The following STRIP2 variants were observed in gnomAD, a reference collection of about 807,000 sequenced individuals.
STRIP2 encodes striatin-interacting protein 2.
STRIP2 carries 84 observed loss-of-function variants against 107.1 expected under a neutral mutation model. That is an observed-to-expected ratio of 0.78 (90% CI 0.66 to 0.94). The LOEUF (loss-of-function observed/expected upper bound fraction) is 0.94, where lower values mean the gene tolerates loss of function less well. Ranked by LOEUF, STRIP2 falls within the 40% of genes least tolerant of loss-of-function variation. STRIP2 has a pLI of 0.00. For synonymous variants in STRIP2, 394 were observed against 400.4 expected, an observed-to-expected ratio of 0.98 and a Z score of 0.19; for missense variants, 888 against 1,034.2, an observed-to-expected ratio of 0.86 and a Z score of 1.94.
chr7:129,460,229 A>G, intron 12 of STRIP2, 72 bp from the exon 13 acceptor site: 1 of 1,379,452 alleles, frequency 7.2e-7, no homozygotes, highest in Non-Finnish European at 1.0e-6. Flanking sequence ...CTTTTGGGGA[A>G]TTTAAGTAAG....
chr7:129,485,984 T>C lies in STRIP2; in HGVS notation c.*155T>C, dbSNP rs676947. 724,661 of 799,962 alleles carry C rather than the reference T, an allele frequency of 0.91. 328,991 individuals are homozygous for C. Among genetic ancestry groups the C allele is most frequent in the East Asian group, 0.95 (36,385 of 38,158 alleles). The allele number at this position is 799,962 out of a possible 1,614,324, so 49.6% of individuals were successfully genotyped here. On this transcript the variant is annotated 3_prime_UTR_variant, in exon 21 of 21. Coordinates refer to ENST00000249344, the MANE Select transcript of STRIP2 (RefSeq NM_020704.3). ...GCAAGGGTGGGATCCTGAATCACAA[T>C]AAAATGATCAACTTGCCCTGGGGTC...
chr7:129,453,241 T>A lies in STRIP2; in HGVS notation c.424T>A (p.Cys142Ser). The change falls in exon 5 of 21, where the codon TGT becomes AGT. Residue 142 changes from cysteine to serine, a missense_variant. Physicochemically the swap from Cys to Ser is moderately radical, Grantham distance 112. Coordinates refer to ENST00000249344, the MANE Select transcript of STRIP2 (RefSeq NM_020704.3). ...TGGTCCTTTAGGTACTTTTGGGGAA[T>A]GTGATTCAGAGGTCGATGTGCTACA... ...LYLAQGTFGE[C>S]DSEVDVLHWS... 6.2e-7 allele frequency: 1 copy of A among 1,614,108 alleles called. No homozygotes were observed. Among genetic ancestry groups the A allele is most frequent in the Admixed American group, 1.7e-5 (1 of 60,018 alleles).
intron 18 of STRIP2, 52 bp downstream of exon 18, chr7:129,470,767 G>A: frequency 6.7e-7 from 1 of 1,499,380 alleles, no homozygotes. Context: ...AGCACAGGTT[G>A]GCATTTGCTC....
Position 129,454,428 on chromosome 7 carries a change from C to G in STRIP2, c.607C>G (p.Leu203Val). ...IADSTELRVL[L>V]SVMYLMVENI... ...ACTCTTCTGTAACCCCAGGGTGCTG[C>G]TGAGTGTTATGTACCTAATGGTGGA... Residue 203 changes from leucine (L) to valine (V), a missense_variant, in exon 7 of 21, where the codon CTG becomes GTG. Coordinates refer to ENST00000249344, the MANE Select transcript of STRIP2 (RefSeq NM_020704.3). 1 of 1,613,334 alleles carries G rather than the reference C, an allele frequency of 6.2e-7. No homozygotes were observed. The highest frequency in any genetic ancestry group is 8.5e-7 in the Non-Finnish European group (1 of 1,179,388).
At chr7:129,449,019 AT>A (rs1241889161) in intron 3 of STRIP2, among the ~76,000 whole-genome samples, 1 of 152,174 alleles carries the variant, frequency 6.6e-6, no homozygotes, top group East Asian at 1.9e-4. Flanking sequence ...CTTCCTCTAC[AT>A]TAAACCAAGG....
At position 129,486,086 on chromosome 7, in the gene STRIP2, G is replaced by A. The variant is rs1799239746; in HGVS notation, c.*257G>A. ...AAGCTCTTTGGTAGGACCTTTTCCT[G>A]CTTTAGTCTTGGCTACAACCAGGCT... is the stretch of plus-strand genomic sequence containing the variant. On this transcript the variant is annotated 3_prime_UTR_variant, in exon 21 of 21. Coordinates refer to ENST00000249344, the MANE Select transcript of STRIP2 (RefSeq NM_020704.3). 2.4e-6 allele frequency: 1 copy of A among 417,600 alleles called. No individual in the cohort carries two copies. Among genetic ancestry groups the A allele is most frequent in the African/African-American group, 2.0e-5 (1 of 50,580 alleles). 25.9% of individuals were successfully genotyped at this position (417,600 alleles called of 1,614,324 possible).
chr7:129,454,456 A>T lies in STRIP2; in HGVS notation c.635A>T (p.Asn212Ile). The T allele has an allele frequency of 6.2e-7, 1 of 1,614,132 alleles. No individual in the cohort carries two copies. The highest frequency in any genetic ancestry group is 8.5e-7 in the Non-Finnish European group (1 of 1,180,010). Reference protein sequence around the residue: ...LLSVMYLMVENIRLERETDPC... With the variant: ...LLSVMYLMVEIIRLERETDPC... The stretch of plus-strand genomic sequence containing the variant: ...AGTGTTATGTACCTAATGGTGGAAA[A>T]TATTCGCCTGGAGCGAGAGACAGAC... Residue 212 changes from asparagine (N) to isoleucine (I), a missense_variant, in exon 7 of 21, where the codon AAT becomes ATT. Coordinates refer to ENST00000249344, the MANE Select transcript of STRIP2 (RefSeq NM_020704.3).
intron 18 of STRIP2, among the ~76,000 whole-genome samples, chr7:129,472,791 T>TTTTTTTTTTTTTTTTTTG: frequency 7.6e-6 from 1 of 132,408 alleles, no homozygotes; most frequent in Non-Finnish European, 1.6e-5. Flanking sequence ...TTTTTTTTTT[T>TTTTTTTTTTTTTTTTTTG]TTTTTTTTTT....
intron 18 of STRIP2, among the ~76,000 whole-genome samples, chr7:129,475,986 T>G (rs951205060): frequency 1.6e-4 from 25 of 152,190 alleles, no homozygotes; most frequent in African/African-American, 6.0e-4. Context: ...ACAGCAACAA[T>G]CTGATTTCCC....
chr7:129,460,239 G>A, intron 12 of STRIP2, 62 bp from the exon 13 acceptor site: 6 of 1,445,282 alleles, frequency 4.2e-6, no homozygotes, highest in Non-Finnish European at 5.7e-6. Context: ...ATTTAAGTAA[G>A]AGACTGGTAC....
At chr7:129,440,868 C>T (rs1479806808) in intron 2 of STRIP2, among the ~76,000 whole-genome samples, 1 of 152,112 alleles carries the variant, frequency 6.6e-6, no homozygotes, top group East Asian at 1.9e-4. Context: ...TTGAGGCATG[C>T]TTTTTCAGAG....
chr7:129,455,485 TAGCCAAC>T, intron 8 of STRIP2, 114 bp downstream of exon 8: 1 of 1,312,430 alleles, frequency 7.6e-7, no homozygotes, highest in South Asian at 1.6e-5. Flanking sequence ...AGGCAGCCCT[TAGCCAAC>T]TGCTAATATG....
At chr7:129,471,372 G>T (rs1012127825) in intron 18 of STRIP2, among the ~76,000 whole-genome samples, 1 of 152,078 alleles carries the variant, frequency 6.6e-6, no homozygotes, top group Non-Finnish European at 1.5e-5. Flanking sequence ...CCAGCCTGTT[G>T]CATTGTAATT....
chr7:129,470,686 G>T lies in STRIP2; in HGVS notation c.1915G>T (p.Asp639Tyr), dbSNP rs1798769984. Reference sequence around the variant, plus strand: ...GGATTATCCTTGCTGTACCATCCAGGATTTGCCGGAGCTTACTACTGAAAG... The same window carrying T: ...GGATTATCCTTGCTGTACCATCCAGTATTTGCCGGAGCTTACTACTGAAAG... ...VLDYPCCTIQDLPELTTESLE... is the reference protein window; with the variant it reads ...VLDYPCCTIQYLPELTTESLE... The change falls in exon 18 of 21, where the codon GAT becomes TAT. Residue 639 changes from aspartate (D) to tyrosine (Y), a missense_variant. Transcript: ENST00000249344. The T allele has an allele frequency of 1.2e-6, 2 of 1,613,922 alleles. No individual in the cohort carries two copies. The highest frequency in any genetic ancestry group is 1.1e-5 in the South Asian group (1 of 91,074).
chr7:129,459,485 G>T (rs1311187529), intron 11 of STRIP2, 32 bp from the exon 12 acceptor site: 1 of 1,600,644 alleles, frequency 6.2e-7, no homozygotes, highest in Non-Finnish European at 8.6e-7. Context: ...TACTTTGGAA[G>T]CTTATGATCT....
At chr7:129,443,972 C>A in intron 2 of STRIP2, 52 bp from the exon 3 acceptor site, 2 of 1,402,042 alleles carry the variant, frequency 1.4e-6, no homozygotes, top group Non-Finnish European at 2.0e-6. Flanking sequence ...CTACTTTGGG[C>A]CTCTTCTTTA....
chr7:129,477,068 G>A lies in STRIP2; in HGVS notation c.1945-3717G>A, dbSNP rs376416599. Among the ~76,000 whole-genome samples, 996 of 151,418 alleles carry A rather than the reference G, an allele frequency of 6.6e-3. 11 individuals are homozygous for A. The highest frequency in any genetic ancestry group is 0.023 in the African/African-American group (962 of 41,186). ...CGCGCGCCTGCAATCGCAGGCACTC[G>A]GCAGGCTGAGGCAGGAGAATCAGGC... On this transcript the variant is annotated intron_variant, in intron 18 of 20. Transcript: ENST00000249344.
rs1408902268 is a variant in STRIP2, at chr7:129,483,057, C to T, written c.2254+11C>T. On this transcript the variant is annotated intron_variant, in intron 20 of 20. Coordinates refer to ENST00000249344, the MANE Select transcript of STRIP2 (RefSeq NM_020704.3). This position sits in a 1 kb window ranked among gnomAD's most constrained non-coding sequence, Gnocchi z 5.1. The stretch of plus-strand genomic sequence containing the variant: ...GGGCTTACGGGAATGGTGAGTCTTC[C>T]CAAAGCTCTTGACTTCCTGGAGTTT... The T allele has an allele frequency of 6.2e-7, 1 of 1,613,070 alleles. No homozygotes were observed. The highest frequency in any genetic ancestry group is 1.1e-5 in the South Asian group (1 of 91,014).
chr7:129,434,879 A>C (rs1486808685), intron 1 of STRIP2, among the ~76,000 whole-genome samples: 1 of 152,212 alleles, frequency 6.6e-6, no homozygotes, highest in Non-Finnish European at 1.5e-5. Flanking sequence ...CTTTCCAAAT[A>C]TTTATCTCAC....
Sources: allele counts gnomAD v4.1 joint callset (sites outside exome capture counted in the v4.1 genomes callset), GRCh38; gene constraint gnomAD v4.1.1; non-coding constraint Gnocchi (gnomAD v3.1); transcripts MANE v1.5; gene names NCBI Gene and HGNC (gene_info 2026-07-23, HGNC 2026-07-21).